IDO2: variants seen among roughly 807,000 people sequenced by gnomAD.
The protein encoded by IDO2 is indoleamine 2,3-dioxygenase-like 1 protein.
Under a neutral mutation model 45.1 loss-of-function variants are expected in IDO2, and 46 were observed. The ratio of observed to expected loss-of-function variants is 1.02; its 90% CI spans 0.80 to 1.30. The LOEUF (loss-of-function observed/expected upper bound fraction) is 1.30, where lower values mean the gene tolerates loss of function less well. Ranked by LOEUF, IDO2 falls within the 50% of genes most tolerant of loss-of-function variation. The probability of loss-of-function intolerance (pLI) is 0.00; values close to 1 mark genes in which losing one functional copy is unlikely to be tolerated. For synonymous variants in IDO2, 218 were observed against 184.9 expected (o/e 1.18, Z -1.45); for missense variants, 544 against 491.8 (o/e 1.11, Z -1.00).
chr8:39,959,015 A>T (rs2729489), intron 2 of IDO2, among the ~76,000 whole-genome samples: 28,747 of 152,104 alleles, frequency 0.19, 2,721 homozygotes, highest in East Asian at 0.27. Flanking sequence ...TACGGTGACT[A>T]AAACATCTAG....
intron 5 of IDO2, among the ~76,000 whole-genome samples, chr8:39,983,345 CTGAGA>C (rs1348502836): frequency 6.6e-6 from 1 of 152,182 alleles, no homozygotes; most frequent in African/African-American, 2.4e-5. Flanking sequence ...GACAGATGAT[CTGAGA>C]TGTTAAATTT....
chr8:39,982,768 C>A lies in IDO2; in HGVS notation c.432C>A (p.Asp144Glu), dbSNP rs545159756. The change falls in exon 5 of 11, where the codon GAC (aspartate) becomes GAA (glutamate). Residue 144 changes from aspartate to glutamate, a missense_variant and splice_region_variant. Asp to Glu is a conservative substitution (Grantham distance 45). Coordinates refer to ENST00000502986, the Ensembl canonical transcript of IDO2. ...CGAACTGGACCAAAAAAGATCCAGA[C>A]GGGTAAGGAAGGAAGAGAATGCTTT... 2.3e-5 allele frequency: 36 copies of A among 1,567,514 alleles called. No homozygotes were observed. Among genetic ancestry groups the A allele is most frequent in the Non-Finnish European group, 3.1e-5 (35 of 1,147,394 alleles).
intron 3 of IDO2, 121 bp from the exon 4 acceptor site, chr8:39,978,946 A>G: frequency 3.3e-6 from 3 of 896,434 alleles, no homozygotes; most frequent in Non-Finnish European, 5.1e-6. Flanking sequence ...TACCTTCATT[A>G]AAATATAACC....
chr8:39,955,559 T>A (rs933409543), intron 2 of IDO2, among the ~76,000 whole-genome samples: 2 of 152,036 alleles, frequency 1.3e-5, no homozygotes, highest in Non-Finnish European at 2.9e-5. Context: ...TTAAGAGGAA[T>A]GACTGAGCTC....
At chr8:39,968,078 C>CAAAAA (rs35600937) in intron 3 of IDO2, among the ~76,000 whole-genome samples, 397 of 139,212 alleles carry the variant, frequency 2.9e-3, no homozygotes, top group East Asian at 4.2e-3. Context: ...TCATAATCAC[C>CAAAAA]AAAAAAAAAA....
chr8:40,007,980 T>C (rs145811295), intron 9 of IDO2, among the ~76,000 whole-genome samples: 27 of 152,024 alleles, frequency 1.8e-4, no homozygotes, highest in African/African-American at 6.3e-4. Flanking sequence ...GGAGCTGCTC[T>C]CAGCTTCTTG....
chr8:39,947,393 A>G (rs1174854468), intron 1 of IDO2, among the ~76,000 whole-genome samples: 2 of 152,178 alleles, frequency 1.3e-5, no homozygotes, highest in Non-Finnish European at 2.9e-5. Context: ...TTATGTTCTT[A>G]GCTCCCACAA....
chr8:40,009,594 C>A lies in IDO2; in HGVS notation c.720-3971C>A, dbSNP rs561630742. On this transcript the variant is annotated intron_variant, in intron 9 of 10. Transcript: ENST00000502986. ...TCTTTTTTCACAGTAGCAGCTTGGACCTGAGAATGTATGGGAGCAATAATT... is the reference window on the plus strand; with the variant it reads ...TCTTTTTTCACAGTAGCAGCTTGGAACTGAGAATGTATGGGAGCAATAATT... 3.9e-5 allele frequency among the ~76,000 whole-genome samples: 6 copies of A among 152,188 alleles called. No individual in the cohort carries two copies. The South Asian group carries it at 1.2e-3, about 32-fold the overall frequency.
At chr8:40,015,363 T>C (rs1359018938) in exon 11 of IDO2, 7 of 1,613,730 alleles carry the variant, frequency 4.3e-6, no homozygotes, top group African/African-American at 1.3e-5. Context: ...ACAGGACCAC[T>C]TGCTGACAGC....
chr8:39,988,370 G>T (rs1007204500), intron 7 of IDO2, among the ~76,000 whole-genome samples: 9 of 152,074 alleles, frequency 5.9e-5, no homozygotes, highest in Non-Finnish European at 8.8e-5. Flanking sequence ...TATCAGGAAG[G>T]CTGGATAGAA....
At chr8:39,969,418 G>T (rs1364344580) in intron 3 of IDO2, among the ~76,000 whole-genome samples, 1 of 152,146 alleles carries the variant, frequency 6.6e-6, no homozygotes, top group Non-Finnish European at 1.5e-5. Context: ...AAATGTATGT[G>T]TTCTGACTGC....
intron 2 of IDO2, among the ~76,000 whole-genome samples, chr8:39,950,129 G>T (rs1807791363): frequency 6.6e-6 from 1 of 152,092 alleles, no homozygotes; most frequent in South Asian, 2.1e-4. Context: ...AGTCATGAGT[G>T]GCAAAAGCAG....
chr8:39,996,776 A>T (rs1802051755), intron 8 of IDO2, among the ~76,000 whole-genome samples: 1 of 152,232 alleles, frequency 6.6e-6, no homozygotes, highest in Admixed American at 6.5e-5. Context: ...GAAAAAAATC[A>T]TACTAAATGA....
chr8:40,004,247 G>A (rs1802181134), intron 8 of IDO2, among the ~76,000 whole-genome samples: 1 of 152,288 alleles, frequency 6.6e-6, no homozygotes, highest in Admixed American at 6.5e-5. Flanking sequence ...GGAGGCTGAA[G>A]GAAGACATGA....
At position 39,954,912 on chromosome 8, in the gene IDO2, C is replaced by T. The variant is rs531412911; in HGVS notation, c.99+5648C>T. ...CCTCAAGTGATCCGCGCACCTCGGC[C>T]TCTCAAAGTGCTAGGATTACAGGCA... On this transcript the variant is annotated intron_variant, in intron 2 of 10. Coordinates refer to ENST00000502986, the Ensembl canonical transcript of IDO2. Among the ~76,000 whole-genome samples, 4 of 151,730 alleles carry T rather than the reference C, an allele frequency of 2.6e-5. No homozygotes were observed. In the Admixed American group the frequency reaches 2.6e-4, roughly 10 times the overall value.
exon 4 of IDO2, chr8:39,979,132 G>C: frequency 6.2e-7 from 1 of 1,603,316 alleles, no homozygotes; most frequent in Non-Finnish European, 8.5e-7. Flanking sequence ...ACCTGGTCCT[G>C]AGCTTCCTCA....
intron 9 of IDO2, among the ~76,000 whole-genome samples, chr8:40,006,785 C>T (rs2955884): frequency 9.3e-4 from 142 of 152,064 alleles, no homozygotes; most frequent in African/African-American, 2.1e-3. Context: ...CTCAGCCTCC[C>T]GAGTAGCTGC....
chr8:39,946,418 C>T (rs1807731029), intron 1 of IDO2, among the ~76,000 whole-genome samples: 1 of 151,984 alleles, frequency 6.6e-6, no homozygotes, highest in Non-Finnish European at 1.5e-5. Context: ...GACCATCTGG[C>T]TAACATGGTA....
exon 11 of IDO2, chr8:40,016,227 T>A (rs1802386329): frequency 2.5e-6 from 1 of 398,106 alleles, no homozygotes; most frequent in South Asian, 1.3e-4. Flanking sequence ...ATTTGCAAAT[T>A]CTATTGTAAT....
Sources: gnomAD v4.1 joint callset for allele counts (sites outside exome capture counted in the v4.1 genomes callset) on GRCh38, gnomAD v4.1.1 for gene constraint, MANE v1.5 for transcripts, NCBI Gene and HGNC (gene_info 2026-07-23, HGNC 2026-07-21) for gene names.